AEN: variants seen among roughly 807,000 people sequenced by gnomAD.
The protein encoded by AEN is apoptosis-enhancing nuclease.
In AEN, 21 loss-of-function variants were observed where a neutral mutation model predicts 17.7. That is an observed-to-expected ratio of 1.19 (90% CI 0.84 to 1.71). The LOEUF (loss-of-function observed/expected upper bound fraction) is 1.71. Among genes scored for constraint, AEN ranks in the 40% most tolerant of loss-of-function variants. AEN has a pLI of 0.00. For synonymous variants in AEN, 190 were observed against 173.0 expected, an observed-to-expected ratio of 1.10 and a Z score of -0.77; for missense variants, 462 against 435.9, an observed-to-expected ratio of 1.06 and a Z score of -0.53.
At chr15:88,621,061 G>A (rs375820961), upstream of AEN, among the ~76,000 whole-genome samples, 1 of 152,206 alleles carries the variant, frequency 6.6e-6, no homozygotes, top group Non-Finnish European at 1.5e-5. Flanking sequence ...CCAGGTAGAG[G>A]AGTGGATTGG....
chr15:88,626,800 G>A (rs776688975), intron 2 of AEN, 51 bp downstream of exon 2: 1 of 1,551,120 alleles, frequency 6.4e-7, no homozygotes, highest in East Asian at 2.3e-5. Flanking sequence ...GCTGGAAAGA[G>A]CCACCCTGGG....
upstream of AEN, among the ~76,000 whole-genome samples, chr15:88,617,225 G>A (rs2141362282): frequency 6.6e-6 from 1 of 152,060 alleles, no homozygotes; most frequent in African/African-American, 2.4e-5. Context: ...AAAGTAGCTG[G>A]GACTACAGGC....
chr15:88,625,895 AT>A (rs1465936985), intron 1 of AEN, among the ~76,000 whole-genome samples: 1 of 152,242 alleles, frequency 6.6e-6, no homozygotes, highest in African/African-American at 2.4e-5. Flanking sequence ...AATGAAGATG[AT>A]AATACTTTGT....
Position 88,630,443 on chromosome 15 carries a change from T to C in AEN, c.*149T>C, listed in dbSNP as rs1426066961. ...AGAGGAGTAGGGGTCATCTGTTACC[T>C]TGACACCCTCTGCACACAGCATAGC... On this transcript the variant is annotated 3_prime_UTR_variant, in exon 4 of 4. Transcript: ENST00000332810. The surrounding 1 kb of genome is among the most constrained non-coding windows in gnomAD (Gnocchi z 5.1). 4.4e-6 allele frequency: 3 copies of C among 675,494 alleles called. No homozygotes were observed. Among genetic ancestry groups the C allele is most frequent in the African/African-American group, 1.8e-5 (1 of 55,578 alleles). The allele number at this position is 675,494 out of a possible 1,614,324, so 41.8% of individuals were successfully genotyped here.
upstream of AEN, among the ~76,000 whole-genome samples, chr15:88,618,892 T>C (rs557963352): frequency 3.9e-5 from 6 of 152,290 alleles, no homozygotes; most frequent in African/African-American, 1.4e-4. Flanking sequence ...CTGTAACCTC[T>C]AACTCCTGGA....
At chr15:88,606,500 C>A in the AEN span, among the ~76,000 whole-genome samples, 4 of 151,512 alleles carry the variant, frequency 2.6e-5, no homozygotes, top group African/African-American at 4.9e-5. Context: ...GAGGGAGAGG[C>A]GCTATCACAA....
chr15:88,623,559 C>T (rs2057814229), intron 1 of AEN, among the ~76,000 whole-genome samples: 1 of 152,200 alleles, frequency 6.6e-6, no homozygotes, highest in Non-Finnish European at 1.5e-5. Flanking sequence ...TGCCTTCTTA[C>T]AGCTCTGAGG....
At chr15:88,616,611 A>G (rs532062648), upstream of AEN, among the ~76,000 whole-genome samples, 7 of 152,328 alleles carry the variant, frequency 4.6e-5, no homozygotes, top group South Asian at 1.0e-3. Context: ...TGGGACATCA[A>G]GTTTTTTTAC....
At chr15:88,619,793 C>A (rs913155831), upstream of AEN, among the ~76,000 whole-genome samples, 15 of 152,148 alleles carry the variant, frequency 9.9e-5, no homozygotes, top group Non-Finnish European at 1.5e-4. Flanking sequence ...CCCCTCTGCT[C>A]TCTGATCAAC....
Position 88,631,259 on chromosome 15 carries a change from G to T in AEN, c.*965G>T. The T allele has an allele frequency of 2.3e-6, 1 of 433,272 alleles. No homozygotes were observed. The highest frequency in any genetic ancestry group is 4.8e-6 in the Non-Finnish European group (1 of 209,038). 26.8% of individuals were successfully genotyped at this position (433,272 alleles called of 1,614,324 possible). A position where few individuals can be genotyped will look rare whatever the true frequency, so the allele number is the denominator to read the frequency against. On this transcript the variant is annotated 3_prime_UTR_variant, in exon 4 of 4. Transcript: ENST00000332810. ...GAGTCTGCGTGTCTCCTGGGGCTGG[G>T]GCAGGGCATTGGCAGTTACGCAGTG... is the stretch of plus-strand genomic sequence containing the variant.
the AEN span, among the ~76,000 whole-genome samples, chr15:88,612,160 G>A: frequency 6.6e-6 from 1 of 152,160 alleles, no homozygotes; most frequent in East Asian, 1.9e-4. Context: ...CTGAAGGGCA[G>A]GGGGAGAAAA....
At chr15:88,611,132 C>T in the AEN span, among the ~76,000 whole-genome samples, 1 of 152,196 alleles carries the variant, frequency 6.6e-6, no homozygotes, top group Non-Finnish European at 1.5e-5. Flanking sequence ...TCACCATGGG[C>T]CATGCCCATA....
the AEN span, among the ~76,000 whole-genome samples, chr15:88,616,098 G>GTT: frequency 0.054 from 8,155 of 150,380 alleles, 283 homozygotes; most frequent in Middle Eastern, 0.083. Context: ...GGCGTTTTTT[G>GTT]TTTTTTTTTC....
At chr15:88,606,585 C>A in the AEN span, among the ~76,000 whole-genome samples, 1 of 152,134 alleles carries the variant, frequency 6.6e-6, no homozygotes. Context: ...AGTCGCAGCA[C>A]CTGCCTCCTG....
intron 2 of AEN, 145 bp downstream of exon 2, chr15:88,626,894 T>C (rs2057862322): frequency 1.4e-5 from 12 of 866,144 alleles, no homozygotes; most frequent in South Asian, 1.2e-4. Flanking sequence ...TCCTTCTCCA[T>C]AGAACAGGGG....
intron 2 of AEN, chr15:88,628,165 A>T (rs2057878710): frequency 6.6e-6 from 1 of 152,158 alleles, no homozygotes; most frequent in East Asian, 1.9e-4. Context: ...TTGTCTGCCC[A>T]GACTCCGAGC....
chr15:88,630,627 C>G lies in AEN; in HGVS notation c.*333C>G, dbSNP rs964148397. On this transcript the variant is annotated 3_prime_UTR_variant, in exon 4 of 4. Coordinates refer to ENST00000332810, the MANE Select transcript of AEN (RefSeq NM_022767.4). The surrounding 1 kb of genome is among the most constrained non-coding windows in gnomAD (Gnocchi z 5.1). ...ACTGCCCAGGTTGCCGTGGCCTTCC[C>G]CACCCCCCAGATCTCCTGAGTCATC... is the stretch of plus-strand genomic sequence containing the variant. The G allele has an allele frequency of 1.5e-5, 5 of 329,032 alleles. No homozygotes were observed. Among genetic ancestry groups the G allele is most frequent in the African/African-American group, 1.0e-4 (5 of 47,686 alleles). The allele number at this position is 329,032 out of a possible 1,614,324, so 20.4% of individuals were successfully genotyped here.
the AEN span, among the ~76,000 whole-genome samples, chr15:88,612,294 C>T: frequency 6.6e-6 from 1 of 152,146 alleles, no homozygotes; most frequent in Admixed American, 6.5e-5. Flanking sequence ...ACAGTGTATG[C>T]GGGCACCGAG....
chr15:88,617,641 C>T (rs989731510), upstream of AEN, among the ~76,000 whole-genome samples: 4 of 152,044 alleles, frequency 2.6e-5, no homozygotes, highest in South Asian at 2.1e-4. Context: ...AATGATTAAC[C>T]CCTTACCCCC....
Sources: gnomAD v4.1 joint callset for allele counts (sites outside exome capture counted in the v4.1 genomes callset) on GRCh38, gnomAD v4.1.1 for gene constraint, Gnocchi (gnomAD v3.1) non-coding constraint, MANE v1.5 for transcripts, NCBI Gene and HGNC (gene_info 2026-07-23, HGNC 2026-07-21) for gene names.